The following CCDC50 variants were observed in gnomAD, a reference collection of about 807,000 sequenced individuals.
CCDC50 encodes the protein coiled-coil domain containing 50, also known as coiled-coil domain-containing protein 50.
A neutral mutation model predicts 70.2 loss-of-function variants in CCDC50; 54 were observed. The observed-to-expected ratio is 0.77, with a 90% CI of 0.62 to 0.96. The LOEUF (loss-of-function observed/expected upper bound fraction) is 0.96, where lower values mean the gene tolerates loss of function less well. Ranked by LOEUF, CCDC50 falls within the 50% of genes least tolerant of loss-of-function variation. The pLI is 0.00. For synonymous variants in CCDC50, 216 were observed against 198.8 expected (o/e 1.09, Z -0.73); for missense variants, 558 against 578.7 (o/e 0.96, Z 0.37).
chr3:191,389,597 A>C lies in CCDC50; in HGVS notation c.1424A>C (p.His475Pro). The change falls in exon 11 of 12, where the codon CAT (histidine) becomes CCT (proline). Residue 475 changes from histidine (H) to proline (P), a missense_variant. Physicochemically the swap from His to Pro is moderately conservative, Grantham distance 77. Transcript: ENST00000392455. Reference sequence around the variant, plus strand: ...CATTTCTCAAAATCAGAGTCCTCTCATAAAGGTAAGAAGAGTATGTATGGT... The same window carrying C: ...CATTTCTCAAAATCAGAGTCCTCTCCTAAAGGTAAGAAGAGTATGTATGGT... ...TRHFSKSESS[H>P]KGFHYKH The C allele has an allele frequency of 6.2e-7, 1 of 1,610,894 alleles. No homozygotes were observed. The highest frequency in any genetic ancestry group is 8.5e-7 in the Non-Finnish European group (1 of 1,177,028).
At chr3:191,378,827 T>A (rs186066) in intron 6 of CCDC50, among the ~76,000 whole-genome samples, 97,899 of 151,186 alleles carry the variant, frequency 0.65, 33,526 homozygotes, top group East Asian at 0.92. Context: ...GGCTCTAGAG[T>A]TGATTTGAAG....
In CCDC50 at chr3:191,370,017, T is replaced by A. The variant is rs1421848318; in HGVS notation, c.429T>A (p.Ser143Arg). Residue 143 changes from serine (S) to arginine (R), a missense_variant, in exon 5 of 12, where the codon AGT becomes AGA. Physicochemically the swap from Ser to Arg is moderately radical, Grantham distance 110. Coordinates refer to ENST00000392455, the MANE Select transcript of CCDC50 (RefSeq NM_178335.3). ...CTGCAACCCGTGCTTATGCAGATAG[T>A]TACTATTATGAAGATGGAGGTAACA... ...EFPATRAYAD[S>R]YYYEDGDQPG... 1 of 1,608,740 alleles carries A rather than the reference T, an allele frequency of 6.2e-7. No individual in the cohort carries two copies. Among genetic ancestry groups the A allele is most frequent in the Non-Finnish European group, 8.5e-7 (1 of 1,175,538 alleles).
Position 191,361,081 on chromosome 3 carries a change from C to T in CCDC50, c.252C>T (p.Asp84=). ...CTTTGCTTTTTAGTGAACAACAAGA[C>T]TGTGAAATTGCTCAGGAAATTCAGG... ...QKRYKDLEQQ[D]CEIAQEIQEK... is the part of the protein sequence containing the mutation. Residue 84 remains aspartate, a synonymous_variant, in exon 4 of 12, where the codon GAC becomes GAT. Coordinates refer to ENST00000392455, the MANE Select transcript of CCDC50 (RefSeq NM_178335.3). The T allele has an allele frequency of 6.2e-7, 1 of 1,613,286 alleles. No homozygotes were observed. Among genetic ancestry groups the T allele is most frequent in the Non-Finnish European group, 8.5e-7 (1 of 1,179,338 alleles).
At chr3:191,342,660 A>T (rs980512017) in intron 1 of CCDC50, among the ~76,000 whole-genome samples, 1 of 152,226 alleles carries the variant, frequency 6.6e-6, no homozygotes, top group Non-Finnish European at 1.5e-5. Flanking sequence ...GGCTAAGGCA[A>T]ACAGAGTACT....
At position 191,396,061 on chromosome 3, in the gene CCDC50, G is replaced by A. The variant is rs907315042; in HGVS notation, c.*4301G>A. 1.3e-5 allele frequency: 2 copies of A among 152,118 alleles called. No individual in the cohort carries two copies. The highest frequency in any genetic ancestry group is 6.6e-5 in the Admixed American group (1 of 15,266). 9.4% of individuals were successfully genotyped at this position (152,118 alleles called of 1,614,324 possible). A position where few individuals can be genotyped will look rare whatever the true frequency, so the allele number is the denominator to read the frequency against. On this transcript the variant is annotated 3_prime_UTR_variant, in exon 12 of 12. Transcript: ENST00000392455. ...AAGAATATTAAAGAGTCAGGATATT[G>A]TTGCTCCTGGTATTTAACAACTGTC...
intron 6 of CCDC50, among the ~76,000 whole-genome samples, chr3:191,376,654 G>T (rs1166292916): frequency 6.6e-6 from 1 of 152,160 alleles, no homozygotes; most frequent in Non-Finnish European, 1.5e-5. Flanking sequence ...GCCATTCTGA[G>T]TAGCTGCCAC....
chr3:191,344,768 G>A (rs1001762454), intron 1 of CCDC50, among the ~76,000 whole-genome samples: 3 of 152,100 alleles, frequency 2.0e-5, no homozygotes, highest in South Asian at 2.1e-4. Context: ...TTGTGGAGAC[G>A]AGATTTCACT....
intron 5 of CCDC50, among the ~76,000 whole-genome samples, chr3:191,373,374 C>T (rs1712980330): frequency 1.3e-5 from 2 of 152,086 alleles, no homozygotes; most frequent in Non-Finnish European, 2.9e-5. Flanking sequence ...CAGCATATTT[C>T]CTAAAAGTAA....
chr3:191,391,169 G>A (rs1713681841), intron 11 of CCDC50, among the ~76,000 whole-genome samples: 1 of 152,062 alleles, frequency 6.6e-6, no homozygotes, highest in South Asian at 2.1e-4. Flanking sequence ...TGAAGACTTA[G>A]GTGATATTGT....
Position 191,375,368 on chromosome 3 carries a change from A to G in CCDC50, c.755A>G (p.Asp252Gly). 2 of 1,613,792 alleles carry G rather than the reference A, an allele frequency of 1.2e-6. No individual in the cohort carries two copies. Among genetic ancestry groups the G allele is most frequent in the East Asian group, 2.2e-5 (1 of 44,856 alleles). ...SGEVFLSTEC[D>G]DWETKINHQT... is the part of the protein sequence containing the mutation. ...GAAGTGTTTCTGAGCACTGAATGTG[A>G]TGACTGGGAGACTAAGATTAACCAT... Residue 252 changes from aspartate (D) to glycine (G), a missense_variant, in exon 6 of 12, where the codon GAT (aspartate) becomes GGT (glycine). Asp to Gly is a moderately conservative substitution (Grantham distance 94). Transcript: ENST00000392455.
At chr3:191,353,845 C>T (rs879799128) in intron 1 of CCDC50, among the ~76,000 whole-genome samples, 4 of 98,302 alleles carry the variant, frequency 4.1e-5, no homozygotes, top group Non-Finnish European at 1.0e-4. Flanking sequence ...CATGTACTTC[C>T]TCATAATCAT....
Position 191,370,000 on chromosome 3 carries a change from CG to C in CCDC50, c.413del (p.Arg138LeufsTer40), listed in dbSNP as rs1697089035. 5 of 1,612,518 alleles carry C rather than the reference CG, an allele frequency of 3.1e-6. No individual in the cohort carries two copies. Among genetic ancestry groups the C allele is most frequent in the Non-Finnish European group, 4.2e-6 (5 of 1,178,830 alleles). On this transcript the variant is annotated frameshift_variant, in exon 5 of 12. Coordinates refer to ENST00000392455, the MANE Select transcript of CCDC50 (RefSeq NM_178335.3). LOFTEE classifies it high-confidence loss of function. Reference protein sequence around the residue: ...KKHFPEFPATRAYADSYYYED... With the variant: ...KKHFPEFPATXAYADSYYYED... ...ACACTTTCCAGAGTTCCCTGCAACCCGTGCTTATGCAGATAGTTACTATTAT... is the reference window on the plus strand; with the variant it reads ...ACACTTTCCAGAGTTCCCTGCAACCCTGCTTATGCAGATAGTTACTATTAT...
chr3:191,380,768 A>G, intron 8 of CCDC50, 37 bp downstream of exon 8: 1 of 1,611,784 alleles, frequency 6.2e-7, no homozygotes, highest in Non-Finnish European at 8.5e-7. Flanking sequence ...CTTTGGAAAT[A>G]TCCTAGTATA....
At chr3:191,391,516 A>T (rs1713692975) in intron 11 of CCDC50, among the ~76,000 whole-genome samples, 1 of 152,226 alleles carries the variant, frequency 6.6e-6, no homozygotes, top group Non-Finnish European at 1.5e-5. Flanking sequence ...TTTCTTTCTC[A>T]AACTACATGT....
chr3:191,365,698 A>C (rs926954832), intron 4 of CCDC50, among the ~76,000 whole-genome samples: 3 of 152,200 alleles, frequency 2.0e-5, no homozygotes, highest in Admixed American at 6.5e-5. Flanking sequence ...TTTGACAGTC[A>C]CATTTTAAAA....
chr3:191,390,035 AT>A (rs35432894), intron 11 of CCDC50, among the ~76,000 whole-genome samples: 63,804 of 150,946 alleles, frequency 0.42, 15,155 homozygotes, highest in Non-Finnish European at 0.53. Flanking sequence ...TAATTTCTGT[AT>A]TTTTTTTGTA....
intron 4 of CCDC50, among the ~76,000 whole-genome samples, chr3:191,363,183 G>A (rs1712556285): frequency 6.6e-6 from 1 of 152,004 alleles, no homozygotes; most frequent in Non-Finnish European, 1.5e-5. Context: ...TAATCTCATG[G>A]TAATACTATA....
At chr3:191,350,170 T>C (rs1347302856) in intron 1 of CCDC50, among the ~76,000 whole-genome samples, 1 of 141,540 alleles carries the variant, frequency 7.1e-6, no homozygotes. Flanking sequence ...GAGGAATAAA[T>C]GTGAAAGTGC....
intron 4 of CCDC50, 114 bp from the exon 5 acceptor site, chr3:191,369,805 A>G (rs1712833041): frequency 2.6e-6 from 2 of 766,936 alleles, no homozygotes; most frequent in Admixed American, 3.5e-5. Context: ...CAGAAAGTCT[A>G]GAGAGCCATG....
Sources: allele counts gnomAD v4.1 joint callset (sites outside exome capture counted in the v4.1 genomes callset), GRCh38; gene constraint gnomAD v4.1.1; transcripts MANE v1.5; gene names NCBI Gene and HGNC (gene_info 2026-07-23, HGNC 2026-07-21).